The following DIAPH1 variants were observed in gnomAD, a reference collection of about 807,000 sequenced individuals.
The protein encoded by DIAPH1 is diaphanous related formin 1.
A neutral mutation model predicts 140.7 loss-of-function variants in DIAPH1; 46 were observed. The ratio of observed to expected loss-of-function variants is 0.33; its 90% CI spans 0.26 to 0.42. The LOEUF (loss-of-function observed/expected upper bound fraction) is 0.42. DIAPH1 is among the 10% of genes least tolerant of loss of function. DIAPH1 has a pLI of 1.00. For synonymous variants in DIAPH1, 565 were observed against 551.6 expected (o/e 1.02, Z -0.34); for missense variants, 1,310 against 1,558.7 (o/e 0.84, Z 2.69).
In DIAPH1 at chr5:141,532,088, T is replaced by C. The variant is rs142480565; in HGVS notation, c.2581+2247A>G. 7.6e-3 allele frequency among the ~76,000 whole-genome samples: 1,153 copies of C among 152,342 alleles called. 19 individuals are homozygous for C. Among genetic ancestry groups the C allele is most frequent in the African/African-American group, 0.026 (1,095 of 41,568 alleles). On this transcript the variant is annotated intron_variant, in intron 19 of 27. Coordinates refer to ENST00000389054, the MANE Select transcript of DIAPH1 (RefSeq NM_005219.5). ...TCAGTTGTACTCAACTACTTGCAGTTCCTGAACTGCACAATGTTATCTCAT... is the reference window on the plus strand; with the variant it reads ...TCAGTTGTACTCAACTACTTGCAGTCCCTGAACTGCACAATGTTATCTCAT...
intron 19 of DIAPH1, among the ~76,000 whole-genome samples, chr5:141,532,292 C>T (rs1343108741): frequency 3.3e-5 from 5 of 152,184 alleles, no homozygotes; most frequent in South Asian, 4.1e-4. Context: ...CTGCCTTAGC[C>T]TCCTGAGTAG....
chr5:141,596,001 T>C (rs1339680970), intron 1 of DIAPH1, among the ~76,000 whole-genome samples: 1 of 151,642 alleles, frequency 6.6e-6, no homozygotes. Flanking sequence ...CTGGGCAACA[T>C]GGCAAAACCT....
chr5:141,521,315 A>G (rs2099886507), intron 27 of DIAPH1, among the ~76,000 whole-genome samples: 1 of 152,208 alleles, frequency 6.6e-6, no homozygotes, highest in Non-Finnish European at 1.5e-5. Flanking sequence ...TGTATACAAG[A>G]GGCCACAATT....
At chr5:141,567,855 G>C (rs2099894611) in intron 18 of DIAPH1, among the ~76,000 whole-genome samples, 1 of 152,114 alleles carries the variant, frequency 6.6e-6, no homozygotes, top group Non-Finnish European at 1.5e-5. Context: ...CTGACTTCTG[G>C]AACAACAGTA....
intron 1 of DIAPH1, among the ~76,000 whole-genome samples, chr5:141,600,506 G>A (rs560219400): frequency 1.8e-4 from 28 of 152,142 alleles, no homozygotes; most frequent in Non-Finnish European, 4.0e-4. Flanking sequence ...GCTGAACTCT[G>A]GAATTTATCT....
chr5:141,592,094 AAAGAAAG>A (rs1275429619), intron 1 of DIAPH1, among the ~76,000 whole-genome samples: 1 of 150,814 alleles, frequency 6.6e-6, no homozygotes, highest in Non-Finnish European at 1.5e-5. Context: ...AAAAAAAAAA[AAAGAAAG>A]AAAGAAAATT....
chr5:141,593,614 G>A lies in DIAPH1; in HGVS notation c.118-5364C>T, dbSNP rs759786622. The stretch of plus-strand genomic sequence containing the variant: ...ACATATAATTGTACAGCACTACTAA[G>A]GTGGCTAGTGTAAGTGAGGAGGAAT... On this transcript the variant is annotated intron_variant, in intron 1 of 27. Transcript: ENST00000389054. Among the ~76,000 whole-genome samples the A allele has an allele frequency of 7.2e-5, 11 of 152,108 alleles. No individual in the cohort carries two copies. In the East Asian group the frequency reaches 1.5e-3, roughly 21 times the overall value.
chr5:141,551,055 T>C (rs1040020200), intron 18 of DIAPH1, among the ~76,000 whole-genome samples: 10 of 152,216 alleles, frequency 6.6e-5, no homozygotes, highest in South Asian at 4.1e-4. Context: ...ATTGTGACAA[T>C]TGGTAAAATC....
intron 18 of DIAPH1, among the ~76,000 whole-genome samples, chr5:141,571,086 T>G (rs1022680238): frequency 2.0e-5 from 3 of 152,216 alleles, no homozygotes; most frequent in African/African-American, 7.2e-5. Context: ...AAGGCTTCTC[T>G]GCATATCAAA....
chr5:141,617,531 C>T (rs1272634037), intron 1 of DIAPH1, among the ~76,000 whole-genome samples: 2 of 152,228 alleles, frequency 1.3e-5, no homozygotes, highest in African/African-American at 4.8e-5. Flanking sequence ...AGTTTTCTTC[C>T]CAAATTTGTG....
intron 18 of DIAPH1, chr5:141,560,950 G>A (rs1216540064): frequency 4.4e-6 from 2 of 455,478 alleles, no homozygotes; most frequent in Non-Finnish European, 8.8e-6. Context: ...GGGGGGAAGG[G>A]GTGGAGATGG....
chr5:141,521,451 C>A (rs898548934), intron 27 of DIAPH1, among the ~76,000 whole-genome samples: 2 of 152,166 alleles, frequency 1.3e-5, no homozygotes, highest in Non-Finnish European at 2.9e-5. Flanking sequence ...TCTCCCACAC[C>A]CTGCGGATCA....
intron 1 of DIAPH1, among the ~76,000 whole-genome samples, chr5:141,596,301 C>G (rs1357010270): frequency 6.6e-6 from 1 of 151,962 alleles, no homozygotes; most frequent in Non-Finnish European, 1.5e-5. Context: ...CCACTGCACT[C>G]CAGCCTGGGT....
rs376124480 is a variant in DIAPH1 at position 141,531,633 on chromosome 5, G to A, written c.2582-1936C>T. Among the ~76,000 whole-genome samples, 80 of 152,066 alleles carry A rather than the reference G, an allele frequency of 5.3e-4. No individual in the cohort carries two copies. The South Asian group carries it at 0.014, about 27-fold the overall frequency. Reference sequence around the variant, plus strand: ...CCCATGAGTAGCTGGGATTATAGGCGTGCTCCACCATGCCCAGCTAATTTT... The same window carrying A: ...CCCATGAGTAGCTGGGATTATAGGCATGCTCCACCATGCCCAGCTAATTTT... On this transcript the variant is annotated intron_variant, in intron 19 of 27. Coordinates refer to ENST00000389054, the MANE Select transcript of DIAPH1 (RefSeq NM_005219.5).
At chr5:141,615,744 A>G (rs1012164759) in intron 1 of DIAPH1, among the ~76,000 whole-genome samples, 1 of 152,166 alleles carries the variant, frequency 6.6e-6, no homozygotes, top group Admixed American at 6.5e-5. Flanking sequence ...CTCCATCTCA[A>G]AAAAAGAAAA....
intron 19 of DIAPH1, among the ~76,000 whole-genome samples, chr5:141,533,072 T>C (rs2099888480): frequency 6.6e-6 from 1 of 152,242 alleles, no homozygotes; most frequent in African/African-American, 2.4e-5. Flanking sequence ...TATGGGTATG[T>C]GTACTTATTG....
intron 3 of DIAPH1, 48 bp from the exon 4 acceptor site, chr5:141,584,273 T>C (rs1362334778): frequency 9.2e-7 from 1 of 1,081,752 alleles, no homozygotes; most frequent in East Asian, 2.4e-5. Flanking sequence ...CTCAAATTCT[T>C]TACAAATTTT....
At chr5:141,544,625 TC>T (rs1359039142) in intron 18 of DIAPH1, among the ~76,000 whole-genome samples, 5 of 152,188 alleles carry the variant, frequency 3.3e-5, no homozygotes, top group Non-Finnish European at 7.4e-5. Flanking sequence ...CTGCTCAATA[TC>T]ATCAGTAAGT....
chr5:141,601,641 A>C (rs2154597099), intron 1 of DIAPH1, among the ~76,000 whole-genome samples: 1 of 152,362 alleles, frequency 6.6e-6, no homozygotes, highest in East Asian at 1.9e-4. Context: ...TCTGTGAACC[A>C]GACTAAATTG....
Sources: allele counts gnomAD v4.1 joint callset (sites outside exome capture counted in the v4.1 genomes callset), GRCh38; gene constraint gnomAD v4.1.1; transcripts MANE v1.5; gene names NCBI Gene and HGNC (gene_info 2026-07-23, HGNC 2026-07-21).